The following MID1 variants were observed in gnomAD, a reference collection of about 807,000 sequenced individuals.
MID1 encodes the protein E3 ubiquitin-protein ligase Midline-1.
Under a neutral mutation model 40.4 loss-of-function variants are expected in MID1, and 7 were observed. The ratio of observed to expected loss-of-function variants is 0.17; its 90% CI spans 0.10 to 0.33. The LOEUF is 0.33. Ranked by LOEUF, MID1 falls within the 10% of genes least tolerant of loss-of-function variation. The probability of loss-of-function intolerance (pLI) is 1.00; values close to 1 mark genes in which losing one functional copy is unlikely to be tolerated. For missense variants in MID1, 367 were observed against 558.5 expected, an observed-to-expected ratio of 0.66 and a Z score of 3.46; for synonymous variants, 229 against 221.2, an observed-to-expected ratio of 1.04 and a Z score of -0.31.
chrX:10,616,564 T>C (rs1935843415), intron 1 of MID1, among the ~76,000 whole-genome samples: 1 of 112,334 alleles, frequency 8.9e-6, no homozygotes, highest in African/African-American at 3.2e-5. Context: ...ACACAAACGA[T>C]CAAAGCCAGG....
At chrX:10,581,845 T>C (rs899242299) in intron 1 of MID1, among the ~76,000 whole-genome samples, 6 of 111,609 alleles carry the variant, frequency 5.4e-5, no homozygotes, top group African/African-American at 1.6e-4. Flanking sequence ...ACCATGAACT[T>C]GGGGCTTCAC....
At chrX:10,744,162 C>T (rs1413144355) in intron 1 of MID1, among the ~76,000 whole-genome samples, 9 of 111,386 alleles carry the variant, frequency 8.1e-5, no homozygotes, top group South Asian at 3.8e-4. Flanking sequence ...TGCCTCCTGG[C>T]CCAGCAGGGG....
At chrX:10,819,325 A>T (rs2044159622) in intron 1 of MID1, among the ~76,000 whole-genome samples, 1 of 112,249 alleles carries the variant, frequency 8.9e-6, no homozygotes, top group African/African-American at 3.2e-5. Context: ...ATTAATTTGT[A>T]TTGTAACTTA....
chrX:10,705,055 C>G (rs1406959095), intron 1 of MID1, among the ~76,000 whole-genome samples: 7 of 111,476 alleles, frequency 6.3e-5, no homozygotes, highest in African/African-American at 2.3e-4. Context: ...AGCCACCACA[C>G]CCAGCCGAGA....
chrX:10,539,563 GAAC>G (rs1933388809), intron 2 of MID1, among the ~76,000 whole-genome samples: 1 of 111,924 alleles, frequency 8.9e-6, no homozygotes, highest in Non-Finnish European at 1.9e-5. Flanking sequence ...AAAACAACAA[GAAC>G]AAAACCAAAC....
At chrX:10,724,901 T>C (rs980824520) in intron 1 of MID1, among the ~76,000 whole-genome samples, 2 of 111,973 alleles carry the variant, frequency 1.8e-5, no homozygotes, top group African/African-American at 6.5e-5. Flanking sequence ...AGGGCGAATT[T>C]TTAAAAATTG....
intron 2 of MID1, among the ~76,000 whole-genome samples, chrX:10,538,933 T>C (rs759038580): frequency 1.8e-5 from 2 of 112,443 alleles, no homozygotes; most frequent in South Asian, 7.4e-4. Flanking sequence ...AGTTTAATCA[T>C]ATGGTTCTGA....
chrX:10,629,643 T>G (rs561557716), intron 1 of MID1, among the ~76,000 whole-genome samples: 1 of 112,552 alleles, frequency 8.9e-6, no homozygotes, highest in Non-Finnish European at 1.9e-5. Context: ...TATTGTGCTA[T>G]GCAGAGGAGG....
intron 1 of MID1, among the ~76,000 whole-genome samples, chrX:10,811,917 G>C (rs2044105054): frequency 8.9e-6 from 1 of 111,736 alleles, no homozygotes; most frequent in Admixed American, 9.5e-5. Flanking sequence ...TATATTTTTT[G>C]ATGGCAAAAT....
chrX:10,813,163 G>C (rs1299621021), intron 1 of MID1, among the ~76,000 whole-genome samples: 2 of 110,222 alleles, frequency 1.8e-5, no homozygotes, highest in African/African-American at 3.3e-5. Context: ...AAAAAAAAAT[G>C]CTCCATAGAC....
At position 10,446,133 on chromosome X, in the gene MID1, T is replaced by C. The variant is rs1928028342; in HGVS notation, c.*3235A>G. 1 of 111,486 alleles carries C rather than the reference T, an allele frequency of 9.0e-6. No individual in the cohort carries two copies. 9.2% of individuals were successfully genotyped at this position (111,486 alleles called of 1,213,427 possible). A position where few individuals can be genotyped will look rare whatever the true frequency, so the allele number is the denominator to read the frequency against. On this transcript the variant is annotated 3_prime_UTR_variant, in exon 10 of 10. Coordinates refer to ENST00000317552, the MANE Select transcript of MID1 (RefSeq NM_000381.4). ...TGCCATTGCATTGCCAAATGTCTCC[T>C]GGGGGGCAAAATCGAGCACTGGTTG...
intron 1 of MID1, among the ~76,000 whole-genome samples, chrX:10,639,557 C>T (rs1019881193): frequency 9.8e-5 from 11 of 111,750 alleles, no homozygotes; most frequent in East Asian, 5.6e-4. Context: ...CTGAAAGTGA[C>T]GGGGAGAATG....
intron 5 of MID1, 85 bp from the exon 6 acceptor site, chrX:10,474,835 A>G: frequency 9.7e-7 from 1 of 1,035,352 alleles, no homozygotes; most frequent in Non-Finnish European, 1.3e-6. Flanking sequence ...AAAGGAAAAT[A>G]AATATCTCTT....
intron 1 of MID1, among the ~76,000 whole-genome samples, chrX:10,789,818 T>C (rs971706431): frequency 8.9e-6 from 1 of 111,841 alleles, no homozygotes; most frequent in Non-Finnish European, 1.9e-5. Context: ...CACCCTTGAC[T>C]GAGCCCTCAC....
At chrX:10,699,120 T>G (rs921668609) in intron 1 of MID1, among the ~76,000 whole-genome samples, 1 of 112,172 alleles carries the variant, frequency 8.9e-6, no homozygotes, top group African/African-American at 3.2e-5. Flanking sequence ...AATGCTTATA[T>G]GAAATAAACT....
rs1185207827 is a variant in MID1, at chrX:10,619,282, C to T, written c.-57+1008G>A. Among the ~76,000 whole-genome samples, 4 of 112,244 alleles carry T rather than the reference C, an allele frequency of 3.6e-5. No individual in the cohort carries two copies. The South Asian group carries it at 1.5e-3, about 41-fold the overall frequency. On this transcript the variant is annotated intron_variant, in intron 1 of 9. Coordinates refer to ENST00000317552, the MANE Select transcript of MID1 (RefSeq NM_000381.4). The stretch of plus-strand genomic sequence containing the variant: ...CAAAGTGTGCAGGGTGGCGAGCACC[C>T]AACCCACTTAGAAGAAAAAGTGAAG...
At chrX:10,564,402 G>A (rs745779656) in intron 2 of MID1, among the ~76,000 whole-genome samples, 5 of 112,224 alleles carry the variant, frequency 4.5e-5, no homozygotes, top group Non-Finnish European at 7.5e-5. Flanking sequence ...AAATTCTAAC[G>A]TAAGTGGCAT....
chrX:10,727,839 G>A (rs2043405771), intron 1 of MID1, among the ~76,000 whole-genome samples: 1 of 111,923 alleles, frequency 8.9e-6, no homozygotes, highest in South Asian at 3.7e-4. Flanking sequence ...GGCCTTTCCT[G>A]GGAAATGTGC....
At chrX:10,718,564 C>T (rs762834189) in intron 1 of MID1, among the ~76,000 whole-genome samples, 20 of 111,318 alleles carry the variant, frequency 1.8e-4, no homozygotes, top group Admixed American at 1.6e-3. Flanking sequence ...AATAGCTTAC[C>T]AACCAAAAAA....
Sources: allele counts gnomAD v4.1 joint callset (sites outside exome capture counted in the v4.1 genomes callset), GRCh38; gene constraint gnomAD v4.1.1; transcripts MANE v1.5; gene names NCBI Gene and HGNC (gene_info 2026-07-23, HGNC 2026-07-21).